The following DPP10 variants were observed in gnomAD, a reference collection of about 807,000 sequenced individuals.
DPP10 encodes dipeptidyl peptidase like 10, also known as inactive dipeptidyl peptidase 10.
In DPP10, 33 loss-of-function variants were observed where a neutral mutation model predicts 120.9. The observed-to-expected ratio is 0.27, with a 90% CI of 0.21 to 0.37. The LOEUF (loss-of-function observed/expected upper bound fraction) is 0.37, where lower values mean the gene tolerates loss of function less well. DPP10 is among the 10% of genes least tolerant of loss of function. The pLI, the probability that DPP10 is intolerant of heterozygous loss-of-function variation, is 1.00. For missense variants in DPP10, 816 were observed against 942.8 expected, an observed-to-expected ratio of 0.87 and a Z score of 1.76; for synonymous variants, 337 against 326.1, an observed-to-expected ratio of 1.03 and a Z score of -0.36.
chr2:115,109,898 G>A (rs2049131176), intron 1 of DPP10, among the ~76,000 whole-genome samples: 1 of 152,190 alleles, frequency 6.6e-6, no homozygotes, highest in South Asian at 2.1e-4. Flanking sequence ...GAGCTTGAGA[G>A]ACTTTGCTGT....
chr2:115,727,474 A>G (rs924173605), intron 7 of DPP10, among the ~76,000 whole-genome samples: 3 of 152,174 alleles, frequency 2.0e-5, no homozygotes, highest in Non-Finnish European at 4.4e-5. Flanking sequence ...AGTTACAGTT[A>G]TCAGTCTCTT....
At chr2:114,864,047 T>G (rs1316350813) in intron 1 of DPP10, among the ~76,000 whole-genome samples, 1 of 152,200 alleles carries the variant, frequency 6.6e-6, no homozygotes, top group Non-Finnish European at 1.5e-5. Context: ...TAGGGGATAT[T>G]GAAAATAACA....
chr2:115,064,685 G>T, intron 1 of DPP10: 1 of 1,297,768 alleles, frequency 7.7e-7, no homozygotes, highest in African/African-American at 1.5e-5. Flanking sequence ...TGACATGCAA[G>T]GAACTGACAT....
At chr2:115,414,741 C>A (rs914340514) in intron 3 of DPP10, among the ~76,000 whole-genome samples, 1 of 151,846 alleles carries the variant, frequency 6.6e-6, no homozygotes, top group Admixed American at 6.6e-5. Flanking sequence ...TGAATATTTA[C>A]AAAATCCAAG....
At chr2:114,728,937 T>G (rs1368390071) in intron 1 of DPP10, among the ~76,000 whole-genome samples, 1 of 152,210 alleles carries the variant, frequency 6.6e-6, no homozygotes, top group Non-Finnish European at 1.5e-5. Context: ...AAATAATGTT[T>G]GAAAACCAAC....
chr2:114,764,476 T>C lies in DPP10; in HGVS notation c.60+321638T>C, dbSNP rs75661347. ...TTCCAGACTTTTTATAGCATCAAAT[T>C]TCCTCAAGTCTCTACCATTGCTTAA... is the stretch of plus-strand genomic sequence containing the variant. On this transcript the variant is annotated intron_variant, in intron 1 of 25. Transcript: ENST00000410059. Among the ~76,000 whole-genome samples the C allele has an allele frequency of 7.6e-3, 1,151 of 152,126 alleles. 16 individuals are homozygous for C. The highest frequency in any genetic ancestry group is 0.026 in the African/African-American group (1,098 of 41,530).
rs140734475 is a variant in DPP10, at chr2:114,702,669, A to G, written c.60+259831A>G. ...ACCTATGGCTTTATATTGCCTTGTC[A>G]TATTCAACGCTGATGCTGTGGTCTG... On this transcript the variant is annotated intron_variant, in intron 1 of 25. Transcript: ENST00000410059. Among the ~76,000 whole-genome samples, 171 of 152,188 alleles carry G rather than the reference A, an allele frequency of 1.1e-3. 1 individual carries two copies. Among genetic ancestry groups the G allele is most frequent in the African/African-American group, 3.9e-3 (164 of 41,542 alleles).
intron 1 of DPP10, among the ~76,000 whole-genome samples, chr2:114,792,003 T>C (rs1336834203): frequency 6.6e-6 from 1 of 152,208 alleles, no homozygotes; most frequent in Non-Finnish European, 1.5e-5. Flanking sequence ...TTTCATTTCT[T>C]TATGAGACAC....
intron 21 of DPP10, among the ~76,000 whole-genome samples, chr2:115,821,344 G>C (rs916220036): frequency 6.6e-6 from 1 of 151,478 alleles, no homozygotes; most frequent in African/African-American, 2.4e-5. Flanking sequence ...GTTTTTATTG[G>C]CCAAGTTTAT....
At chr2:115,269,929 A>C (rs552071260) in intron 1 of DPP10, among the ~76,000 whole-genome samples, 2 of 152,224 alleles carry the variant, frequency 1.3e-5, no homozygotes, top group East Asian at 3.9e-4. Context: ...TAAAGTGGCT[A>C]TAAACTTTAG....
chr2:115,726,314 T>C (rs1486439095), intron 7 of DPP10, among the ~76,000 whole-genome samples: 2 of 152,230 alleles, frequency 1.3e-5, no homozygotes, highest in Non-Finnish European at 2.9e-5. Context: ...TCCAACACTC[T>C]TAACATTGTG....
At chr2:115,084,036 G>A (rs1001166883) in intron 1 of DPP10, among the ~76,000 whole-genome samples, 1 of 152,146 alleles carries the variant, frequency 6.6e-6, no homozygotes, top group African/African-American at 2.4e-5. Context: ...TCTAGAGTGG[G>A]TTAGGGGCTA....
chr2:115,610,231 C>A (rs561679565), intron 5 of DPP10, among the ~76,000 whole-genome samples: 11 of 152,170 alleles, frequency 7.2e-5, no homozygotes, highest in African/African-American at 2.2e-4. Context: ...CCCTCACCCC[C>A]CCATGGACCT....
intron 5 of DPP10, among the ~76,000 whole-genome samples, chr2:115,673,139 T>C (rs2149447808): frequency 6.6e-6 from 1 of 152,206 alleles, no homozygotes; most frequent in African/African-American, 2.4e-5. Flanking sequence ...CTCTGGAAAA[T>C]TTTTTCCTCT....
At chr2:114,885,059 A>G (rs542191861) in intron 1 of DPP10, among the ~76,000 whole-genome samples, 3 of 152,304 alleles carry the variant, frequency 2.0e-5, no homozygotes, top group African/African-American at 7.2e-5. Context: ...GCCCCTTGGT[A>G]TTTGGCTGTT....
chr2:115,012,774 T>G (rs1702358653), intron 1 of DPP10, among the ~76,000 whole-genome samples: 1 of 151,824 alleles, frequency 6.6e-6, no homozygotes, highest in Non-Finnish European at 1.5e-5. Context: ...CTTCAAAACC[T>G]CCAAAAGATC....
intron 1 of DPP10, among the ~76,000 whole-genome samples, chr2:114,842,842 C>T (rs1688262856): frequency 6.7e-6 from 1 of 150,088 alleles, no homozygotes; most frequent in African/African-American, 2.5e-5. Flanking sequence ...AGTAAGGGAC[C>T]TCACCGGAGA....
chr2:114,513,994 T>C (rs1684387240), intron 1 of DPP10, among the ~76,000 whole-genome samples: 1 of 152,192 alleles, frequency 6.6e-6, no homozygotes, highest in Non-Finnish European at 1.5e-5. Flanking sequence ...CTACTAGGGT[T>C]TGAATCGAAA....
chr2:114,996,162 C>A (rs987923182), intron 1 of DPP10, among the ~76,000 whole-genome samples: 1 of 152,108 alleles, frequency 6.6e-6, no homozygotes, highest in East Asian at 1.9e-4. Context: ...AATGGCTTTG[C>A]TTTTCTTCTG....
Sources: gnomAD v4.1 joint callset for allele counts (sites outside exome capture counted in the v4.1 genomes callset) on GRCh38, gnomAD v4.1.1 for gene constraint, MANE v1.5 for transcripts, NCBI Gene and HGNC (gene_info 2026-07-23, HGNC 2026-07-21) for gene names.